HDAC9: variants seen among roughly 807,000 people sequenced by gnomAD.
The protein encoded by HDAC9 is MEF-2 interacting transcription repressor (MITR) protein.
In HDAC9, 41 loss-of-function variants were observed where a neutral mutation model predicts 139.4. That is an observed-to-expected ratio of 0.29 (90% CI 0.23 to 0.38). The LOEUF (loss-of-function observed/expected upper bound fraction) is 0.38, where lower values mean the gene tolerates loss of function less well. Among genes scored for constraint, HDAC9 ranks in the 10% least tolerant of loss-of-function variants. The pLI is 1.00. For synonymous variants in HDAC9, 517 were observed against 476.2 expected (o/e 1.09, Z -1.12); for missense variants, 1,147 against 1,297.0 (o/e 0.88, Z 1.78).
intron 2 of HDAC9, among the ~76,000 whole-genome samples, chr7:18,243,249 C>G (rs751262880): frequency 6.6e-6 from 1 of 152,166 alleles, no homozygotes. Context: ...TAATTGTGAA[C>G]GTTTATAGCA....
intron 5 of HDAC9, among the ~76,000 whole-genome samples, chr7:18,592,645 G>A: frequency 6.6e-6 from 1 of 151,896 alleles, no homozygotes; most frequent in South Asian, 2.1e-4. Context: ...TATTTTATAG[G>A]TATCCGCCCT....
intron 1 of HDAC9, among the ~76,000 whole-genome samples, chr7:18,434,268 A>T (rs1265020047): frequency 1.3e-5 from 2 of 152,206 alleles, no homozygotes; most frequent in Non-Finnish European, 2.9e-5. Flanking sequence ...TCAAATCAAG[A>T]TGGATTAAAG....
rs371576433 is a variant in HDAC9, at chr7:18,539,667, T to TTTGTTG, written c.22+43367_22+43372dup. On this transcript the variant is annotated intron_variant, in intron 2 of 25. Transcript: ENST00000686413. Reference sequence around the variant, plus strand: ...ATCTGAAATTATTCCAAACAAAAAGTTTGTTGTTGTTGTTGTTGTTGTTGT... The same window carrying TTTGTTG: ...ATCTGAAATTATTCCAAACAAAAAGTTTGTTGTTGTTGTTGTTGTTGTTGTTGTTGT... Among the ~76,000 whole-genome samples, 64 of 151,644 alleles carry TTTGTTG rather than the reference T, an allele frequency of 4.2e-4. 1 individual carries two copies. Among genetic ancestry groups the TTTGTTG allele is most frequent in the Non-Finnish European group, 7.8e-4 (53 of 67,898 alleles).
chr7:18,151,518 T>TGCA (rs1786778280), intron 1 of HDAC9, among the ~76,000 whole-genome samples: 2 of 152,224 alleles, frequency 1.3e-5, no homozygotes, highest in African/African-American at 4.8e-5. Context: ...TGAATGTCTT[T>TGCA]GCAGCCTCCT....
chr7:18,790,888 A>G (rs577881257), intron 16 of HDAC9, among the ~76,000 whole-genome samples: 1 of 152,330 alleles, frequency 6.6e-6, no homozygotes, highest in Admixed American at 6.5e-5. Flanking sequence ...TGATCAATAA[A>G]CATAGCTTTA....
chr7:18,710,867 A>C (rs988208029), intron 12 of HDAC9, among the ~76,000 whole-genome samples: 1 of 152,124 alleles, frequency 6.6e-6, no homozygotes, highest in Non-Finnish European at 1.5e-5. Flanking sequence ...GCCAGTGGGG[A>C]ATATATATAT....
chr7:18,935,158 G>T (rs1415813043), intron 22 of HDAC9, among the ~76,000 whole-genome samples: 1 of 152,144 alleles, frequency 6.6e-6, no homozygotes, highest in East Asian at 1.9e-4. Flanking sequence ...TCAGAGAAAG[G>T]CACATGGGGG....
rs573673617 is a variant in HDAC9, at chr7:18,927,516, C to T, written c.2804-8293C>T. ...CTACAGTTTTTATAATTAGACTTCCCTGGATGTGCATTCTTCAGTAATACT... is the reference window on the plus strand; with the variant it reads ...CTACAGTTTTTATAATTAGACTTCCTTGGATGTGCATTCTTCAGTAATACT... On this transcript the variant is annotated intron_variant, in intron 22 of 25. Coordinates refer to ENST00000686413, the MANE Select transcript of HDAC9 (RefSeq NM_178425.4). Among the ~76,000 whole-genome samples the T allele has an allele frequency of 9.2e-5, 14 of 152,226 alleles. No individual in the cohort carries two copies. In the South Asian group the frequency reaches 2.9e-3, roughly 32 times the overall value.
chr7:18,749,548 A>G (rs575474762), intron 14 of HDAC9, among the ~76,000 whole-genome samples: 3 of 152,184 alleles, frequency 2.0e-5, no homozygotes, highest in Non-Finnish European at 2.9e-5. Flanking sequence ...TAAAATATCA[A>G]CTGTCCTCTT....
chr7:18,091,715 T>C (rs1782162203), intron 1 of HDAC9, among the ~76,000 whole-genome samples: 1 of 152,216 alleles, frequency 6.6e-6, no homozygotes, highest in Admixed American at 6.5e-5. Flanking sequence ...TCTCCCATGT[T>C]GGCTAGGGCT....
rs188451547 is a variant in HDAC9, at chr7:18,946,606, C to A, written c.2938-7540C>A. Among the ~76,000 whole-genome samples, 632 of 151,830 alleles carry A rather than the reference C, an allele frequency of 4.2e-3. 5 individuals carry two copies. Among genetic ancestry groups the A allele is most frequent in the Non-Finnish European group, 6.7e-3 (452 of 67,874 alleles). ...CATACTGATAAAATATTCTATGAAC[C>A]AAGAAGATAAAACAATTCAAACTTT... On this transcript the variant is annotated intron_variant, in intron 23 of 25. Transcript: ENST00000686413.
chr7:18,925,854 TATTCTATA>T (rs1366116372), intron 22 of HDAC9, among the ~76,000 whole-genome samples: 157 of 152,158 alleles, frequency 1.0e-3, no homozygotes, highest in African/African-American at 3.6e-3. Flanking sequence ...GGATACTAGA[TATTCTATA>T]GCAGATATAT....
At chr7:18,488,034 T>C (rs1283396835) in intron 1 of HDAC9, among the ~76,000 whole-genome samples, 1 of 152,076 alleles carries the variant, frequency 6.6e-6, no homozygotes, top group Non-Finnish European at 1.5e-5. Context: ...AGCAGACTTA[T>C]TTTGTGGAAT....
Position 18,420,042 on chromosome 7 carries a change from G to A in HDAC9, c.-41-76220G>A, listed in dbSNP as rs536786536. ...AAACAAAAAGCTCTGCTAGTCTATA[G>A]AAATTGTTGGGAAAGAGAAGCGGAC... On this transcript the variant is annotated intron_variant, in intron 1 of 3. Coordinates refer to the HDAC9 transcript ENST00000413509. 4.6e-5 allele frequency among the ~76,000 whole-genome samples: 7 copies of A among 152,298 alleles called. No individual in the cohort carries two copies. In the East Asian group the frequency reaches 1.2e-3, roughly 25 times the overall value.
At chr7:18,600,925 C>G (rs1280613795) in intron 6 of HDAC9, among the ~76,000 whole-genome samples, 1 of 152,130 alleles carries the variant, frequency 6.6e-6, no homozygotes, top group Non-Finnish European at 1.5e-5. Context: ...GCCTCAGCCT[C>G]CTGAGTAGCT....
intron 2 of HDAC9, among the ~76,000 whole-genome samples, chr7:18,580,343 A>G (rs1398562045): frequency 6.6e-6 from 1 of 152,218 alleles, no homozygotes; most frequent in Admixed American, 6.6e-5. Context: ...CTATTGAACA[A>G]ATAAGACAGA....
At position 18,868,487 on chromosome 7, in the gene HDAC9, C is replaced by T. The variant is rs182868535; in HGVS notation, c.2685-5991C>T. 7.2e-5 allele frequency among the ~76,000 whole-genome samples: 11 copies of T among 152,232 alleles called. No homozygotes were observed. In the East Asian group the frequency reaches 1.2e-3, roughly 16 times the overall value. On this transcript the variant is annotated intron_variant, in intron 21 of 25. Transcript: ENST00000686413. ...TGGGATGTAGTCTGATGTTCTTAACCGACTGACACTTTTTTAATTTCTTGT... is the reference window on the plus strand; with the variant it reads ...TGGGATGTAGTCTGATGTTCTTAACTGACTGACACTTTTTTAATTTCTTGT...
At chr7:18,682,799 G>A (rs575827182) in intron 12 of HDAC9, among the ~76,000 whole-genome samples, 15 of 149,334 alleles carry the variant, frequency 1.0e-4, no homozygotes, top group African/African-American at 3.1e-4. Flanking sequence ...CCTGGCCAAC[G>A]TGGTGAAACC....
chr7:18,968,242 T>A (rs1453308061), intron 24 of HDAC9, among the ~76,000 whole-genome samples: 1 of 152,202 alleles, frequency 6.6e-6, no homozygotes, highest in Non-Finnish European at 1.5e-5. Context: ...AACCATACTT[T>A]AGGAATGTTT....
Sources: allele counts gnomAD v4.1 joint callset (sites outside exome capture counted in the v4.1 genomes callset), GRCh38; gene constraint gnomAD v4.1.1; transcripts MANE v1.5; gene names NCBI Gene and HGNC (gene_info 2026-07-23, HGNC 2026-07-21).